The following NCEH1 variants were observed in gnomAD, a reference collection of about 807,000 sequenced individuals.
NCEH1 encodes the protein 2-acetyl MAGE hydrolase.
A neutral mutation model predicts 25.4 loss-of-function variants in NCEH1; 9 were observed. That is an observed-to-expected ratio of 0.35 (90% CI 0.21 to 0.62). The LOEUF (loss-of-function observed/expected upper bound fraction) is 0.62, where lower values mean the gene tolerates loss of function less well. Among genes scored for constraint, NCEH1 ranks in the 20% least tolerant of loss-of-function variants. The pLI is 0.72. For missense variants in NCEH1, 412 were observed against 501.1 expected, an observed-to-expected ratio of 0.82 and a Z score of 1.70; for synonymous variants, 200 against 199.8, an observed-to-expected ratio of 1.00 and a Z score of -0.01.
At chr3:172,686,674 G>A (rs1253921024) in intron 1 of NCEH1, among the ~76,000 whole-genome samples, 5 of 152,132 alleles carry the variant, frequency 3.3e-5, no homozygotes, top group Non-Finnish European at 5.9e-5. Context: ...TCTTCACATG[G>A]GCATCCTAGG....
chr3:172,668,957 C>T (rs1424476034), intron 1 of NCEH1, among the ~76,000 whole-genome samples: 4 of 152,088 alleles, frequency 2.6e-5, no homozygotes, highest in African/African-American at 9.7e-5. Flanking sequence ...GTACTAGCCT[C>T]TCAAGTAGCT....
At chr3:172,657,735 G>C (rs1717767421) in intron 1 of NCEH1, among the ~76,000 whole-genome samples, 1 of 152,124 alleles carries the variant, frequency 6.6e-6, no homozygotes, top group Non-Finnish European at 1.5e-5. Context: ...TCTAAAGTTG[G>C]CATTCCAGTC....
At chr3:172,674,348 C>T (rs1036674229) in intron 1 of NCEH1, among the ~76,000 whole-genome samples, 7 of 149,104 alleles carry the variant, frequency 4.7e-5, no homozygotes, top group African/African-American at 1.5e-4. Flanking sequence ...GAGGCTGAGG[C>T]AGAAGAATCG....
chr3:172,655,932 A>G (rs4894575), intron 1 of NCEH1, among the ~76,000 whole-genome samples: 35,881 of 152,136 alleles, frequency 0.24, 4,574 homozygotes, highest in Non-Finnish European at 0.28. Context: ...GAGTGAGAAA[A>G]AGAGAGAAAA....
chr3:172,692,214 T>C (rs1713101560), intron 1 of NCEH1, among the ~76,000 whole-genome samples: 1 of 152,126 alleles, frequency 6.6e-6, no homozygotes, highest in Non-Finnish European at 1.5e-5. Context: ...AAGACAGACT[T>C]AAAGAAGTTT....
chr3:172,665,219 C>T (rs1718150924), intron 1 of NCEH1, among the ~76,000 whole-genome samples: 1 of 152,214 alleles, frequency 6.6e-6, no homozygotes, highest in Non-Finnish European at 1.5e-5. Flanking sequence ...AGTCAGGACC[C>T]TCAGCTGCAG....
At chr3:172,671,510 C>CACAT (rs1711618795) in intron 1 of NCEH1, among the ~76,000 whole-genome samples, 1 of 144,512 alleles carries the variant, frequency 6.9e-6, no homozygotes, top group Non-Finnish European at 1.5e-5. Context: ...TACACATACA[C>CACAT]ACACACACAC....
At chr3:172,638,365 A>G (rs1033295483) in intron 3 of NCEH1, among the ~76,000 whole-genome samples, 1 of 149,566 alleles carries the variant, frequency 6.7e-6, no homozygotes, top group Non-Finnish European at 1.5e-5. Flanking sequence ...TTATTTTTCC[A>G]TCTGGGGTGG....
At position 172,689,909 on chromosome 3, in the gene NCEH1, A is replaced by ATTT. The variant is rs549736200; in HGVS notation, c.138+20935_138+20937dup. Among the ~76,000 whole-genome samples the ATTT allele has an allele frequency of 6.3e-3, 891 of 140,842 alleles. 17 individuals carry two copies. The highest frequency in any genetic ancestry group is 0.021 in the African/African-American group (815 of 38,094). The allele number at this position is 140,842 out of a possible 152,430, so 92.4% of individuals were successfully genotyped here. A position where few individuals can be genotyped will look rare whatever the true frequency, so the allele number is the denominator to read the frequency against. On this transcript the variant is annotated intron_variant, in intron 1 of 4. Transcript: ENST00000475381. ...TTATTTTTTATTATTTTATTTATTT[A>ATTT]TTTTTTTTTTTTGAGACGGAGTCTC...
intron 1 of NCEH1, among the ~76,000 whole-genome samples, 172 bp downstream of exon 1, chr3:172,710,675 G>A (rs777700655): frequency 2.0e-5 from 3 of 152,242 alleles, no homozygotes; most frequent in Non-Finnish European, 4.4e-5. Context: ...CTGCTAGCAA[G>A]GAGGCGAATG....
At position 172,666,499 on chromosome 3, in the gene NCEH1, T is replaced by C. The variant is rs570477868; in HGVS notation, c.139-18385A>G. On this transcript the variant is annotated intron_variant, in intron 1 of 4. Transcript: ENST00000475381. Reference sequence around the variant, plus strand: ...CTAATCCCCCCTCCCTCTGTCTCTGTATGGGGGAGCTGTTTTCTTCTTCCT... The same window carrying C: ...CTAATCCCCCCTCCCTCTGTCTCTGCATGGGGGAGCTGTTTTCTTCTTCCT... 2.0e-3 allele frequency among the ~76,000 whole-genome samples: 312 copies of C among 152,292 alleles called. 1 individual carries two copies. The highest frequency in any genetic ancestry group is 7.2e-3 in the African/African-American group (301 of 41,550).
At chr3:172,640,116 C>T (rs770142061) in intron 3 of NCEH1, among the ~76,000 whole-genome samples, 7 of 152,160 alleles carry the variant, frequency 4.6e-5, no homozygotes, top group Non-Finnish European at 5.9e-5. Context: ...GTGGAAGGGA[C>T]GCCAAGTTCT....
chr3:172,689,335 CG>C (rs1712893604), intron 1 of NCEH1, among the ~76,000 whole-genome samples: 1 of 148,862 alleles, frequency 6.7e-6, no homozygotes, highest in Non-Finnish European at 1.5e-5. Flanking sequence ...CTCAGCTCAC[CG>C]CAACCTCCGC....
chr3:172,692,563 C>T (rs1713130410), intron 1 of NCEH1, among the ~76,000 whole-genome samples: 1 of 151,536 alleles, frequency 6.6e-6, no homozygotes, highest in Non-Finnish European at 1.5e-5. Context: ...TGGGGTTGCA[C>T]TATGTTGCCC....
intron 1 of NCEH1, among the ~76,000 whole-genome samples, chr3:172,704,180 T>C (rs752682659): frequency 3.9e-5 from 6 of 152,208 alleles, no homozygotes; most frequent in Non-Finnish European, 8.8e-5. Flanking sequence ...AAGCACATCA[T>C]GCACAGAGAA....
At chr3:172,666,226 T>TC (rs1320079743) in intron 1 of NCEH1, among the ~76,000 whole-genome samples, 4 of 152,338 alleles carry the variant, frequency 2.6e-5, no homozygotes, top group African/African-American at 9.6e-5. Flanking sequence ...CCTGCCTTCT[T>TC]CTTCCTGTCC....
At chr3:172,643,391 A>C (rs1553828462) in intron 3 of NCEH1, among the ~76,000 whole-genome samples, 1 of 152,152 alleles carries the variant, frequency 6.6e-6, no homozygotes, top group Non-Finnish European at 1.5e-5. Flanking sequence ...CTAAACATAC[A>C]GGAAGGGTTC....
At chr3:172,652,522 T>A (rs1325260865) in intron 1 of NCEH1, among the ~76,000 whole-genome samples, 8 of 152,134 alleles carry the variant, frequency 5.3e-5, no homozygotes, top group African/African-American at 1.9e-4. Flanking sequence ...TATAAGATCC[T>A]CCAAAACCTA....
chr3:172,707,878 G>A (rs895982306), intron 1 of NCEH1, among the ~76,000 whole-genome samples: 4 of 152,198 alleles, frequency 2.6e-5, no homozygotes, highest in South Asian at 2.1e-4. Context: ...GAGCCACCGC[G>A]CCCGGCTGGA....
Sources: gnomAD v4.1 joint callset for allele counts (sites outside exome capture counted in the v4.1 genomes callset) on GRCh38, gnomAD v4.1.1 for gene constraint, MANE v1.5 for transcripts, NCBI Gene and HGNC (gene_info 2026-07-23, HGNC 2026-07-21) for gene names.